Variants in DTNA observed in about 807,000 individuals in gnomAD.
DTNA encodes dystrophin-related protein 3.
In DTNA, 43 loss-of-function variants were observed where a neutral mutation model predicts 100.7. The ratio of observed to expected loss-of-function variants is 0.43; its 90% CI spans 0.33 to 0.55. DTNA has a LOEUF of 0.55. Ranked by LOEUF, DTNA falls within the 20% of genes least tolerant of loss-of-function variation. The pLI is 0.04. For missense variants in DTNA, 798 were observed against 953.9 expected (o/e 0.84, Z 2.15); for synonymous variants, 349 against 347.9 (o/e 1.00, Z -0.04).
chr18:34,578,453 G>A (rs2048323866), intron 1 of DTNA, among the ~76,000 whole-genome samples: 1 of 148,852 alleles, frequency 6.7e-6, no homozygotes, highest in Admixed American at 6.6e-5. Flanking sequence ...CTTTTGCCAT[G>A]CAAAAGCTCT....
At chr18:34,867,205 T>G (rs574384243) in intron 17 of DTNA, 19 of 1,231,352 alleles carry the variant, frequency 1.5e-5, no homozygotes, top group Middle Eastern at 3.1e-4. Context: ...TTATTCATTA[T>G]GTGTGTTTGT....
At chr18:34,859,195 T>C (rs1019716201) in intron 16 of DTNA, among the ~76,000 whole-genome samples, 1 of 152,222 alleles carries the variant, frequency 6.6e-6, no homozygotes, top group Non-Finnish European at 1.5e-5. Context: ...GAAGGGACTA[T>C]AGAAGTCATC....
chr18:34,841,840 G>A (rs1346072879), intron 13 of DTNA, among the ~76,000 whole-genome samples: 3 of 152,098 alleles, frequency 2.0e-5, no homozygotes, highest in Admixed American at 1.3e-4. Context: ...TTAACTCTGT[G>A]TGGGGGTCTT....
chr18:34,669,697 G>T (rs1221803278), intron 1 of DTNA, among the ~76,000 whole-genome samples: 1 of 152,132 alleles, frequency 6.6e-6, no homozygotes, highest in Admixed American at 6.6e-5. Flanking sequence ...GCTTAGTTTG[G>T]CTGGATATGA....
At chr18:34,705,011 T>C (rs938404757) in intron 1 of DTNA, among the ~76,000 whole-genome samples, 1 of 152,146 alleles carries the variant, frequency 6.6e-6, no homozygotes, top group African/African-American at 2.4e-5. Flanking sequence ...CTTATTGAGT[T>C]ACCTGACAGT....
intron 1 of DTNA, among the ~76,000 whole-genome samples, chr18:34,682,609 T>A (rs1404082988): frequency 6.6e-6 from 1 of 152,198 alleles, no homozygotes; most frequent in Non-Finnish European, 1.5e-5. Context: ...TCCCTAATGA[T>A]GTTGAACATC....
At chr18:34,667,176 T>G (rs1346237074) in intron 1 of DTNA, among the ~76,000 whole-genome samples, 1 of 152,216 alleles carries the variant, frequency 6.6e-6, no homozygotes, top group Non-Finnish European at 1.5e-5. Context: ...TTTTATTCTC[T>G]TTGAAGCAAT....
Position 34,629,131 on chromosome 18 carries a change from T to C in DTNA, c.-1-126845T>C, listed in dbSNP as rs1332673559. Among the ~76,000 whole-genome samples, 3 of 152,334 alleles carry C rather than the reference T, an allele frequency of 2.0e-5. No homozygotes were observed. The East Asian group carries it at 5.8e-4, about 29-fold the overall frequency. On this transcript the variant is annotated intron_variant, in intron 1 of 19. Coordinates refer to the DTNA transcript ENST00000283365. ...TCTGCTATGTTTACACAAGCTCTTT[T>C]ATTTTCTTTATTAATAAAGAACAAT...
At chr18:34,627,928 T>C (rs1040585120) in intron 1 of DTNA, among the ~76,000 whole-genome samples, 2 of 152,176 alleles carry the variant, frequency 1.3e-5, no homozygotes, top group African/African-American at 4.8e-5. Context: ...TGTCTGACTG[T>C]ATGCTAATTT....
chr18:34,768,316 A>G (rs375182885), intron 3 of DTNA, among the ~76,000 whole-genome samples: 72 of 152,286 alleles, frequency 4.7e-4, no homozygotes, highest in African/African-American at 1.7e-3. Flanking sequence ...CCCCCCAAAA[A>G]AAGCAAAAAA....
In DTNA at chr18:34,876,251, A is replaced by C. The variant is rs1186394968; in HGVS notation, c.1903+853A>C. 3.3e-5 allele frequency among the ~76,000 whole-genome samples: 5 copies of C among 152,344 alleles called. No individual in the cohort carries two copies. In the East Asian group the frequency reaches 9.6e-4, roughly 29 times the overall value. On this transcript the variant is annotated intron_variant, in intron 18 of 22. Coordinates refer to ENST00000444659, the MANE Select transcript of DTNA (RefSeq NM_001386795.1). Reference sequence around the variant, plus strand: ...AATTTGCATTTTCTTTAAATTAGCAATATATCATTAACATTCTTCGAAGTC... The same window carrying C: ...AATTTGCATTTTCTTTAAATTAGCACTATATCATTAACATTCTTCGAAGTC...
upstream of DTNA, among the ~76,000 whole-genome samples, chr18:34,707,237 A>G (rs879839593): frequency 3.3e-5 from 5 of 152,162 alleles, no homozygotes; most frequent in Admixed American, 3.3e-4. Context: ...TCCTGCTTCT[A>G]TGGGACTAGG....
At chr18:34,831,037 G>A (rs2095996522) in intron 11 of DTNA, among the ~76,000 whole-genome samples, 1 of 152,134 alleles carries the variant, frequency 6.6e-6, no homozygotes, top group Non-Finnish European at 1.5e-5. Context: ...ACTGCCCACA[G>A]CTCTGTGCCT....
At chr18:34,555,960 G>T (rs1160630923) in intron 1 of DTNA, among the ~76,000 whole-genome samples, 2 of 150,254 alleles carry the variant, frequency 1.3e-5, no homozygotes, top group East Asian at 3.9e-4. Context: ...GTCTAATGTT[G>T]ACAGTGGGGT....
intron 1 of DTNA, among the ~76,000 whole-genome samples, chr18:34,618,113 TTCCGGAAGAG>T (rs1259862256): frequency 6.6e-6 from 1 of 152,184 alleles, no homozygotes; most frequent in Non-Finnish European, 1.5e-5. Flanking sequence ...ATTGTTAATT[TTCCGGAAGAG>T]GAAACCACAG....
chr18:34,569,035 A>T (rs185650289), intron 1 of DTNA, among the ~76,000 whole-genome samples: 1 of 152,366 alleles, frequency 6.6e-6, no homozygotes, highest in African/African-American at 2.4e-5. Flanking sequence ...TTTCCAGCAC[A>T]AAACTTTGAC....
intron 1 of DTNA, among the ~76,000 whole-genome samples, chr18:34,506,581 A>G (rs1478446337): frequency 2.0e-5 from 3 of 152,078 alleles, no homozygotes; most frequent in Non-Finnish European, 4.4e-5. Flanking sequence ...TTGTTTTTTT[A>G]TCTAGCTATG....
rs189825444 is a variant in DTNA, at chr18:34,581,020, C to A, written c.-2+87506C>A. Reference sequence around the variant, plus strand: ...CAGCACTTTGGGAGGCCAAGGCAGGCGGATCACGAGGTCAGGAAATTGAGA... The same window carrying A: ...CAGCACTTTGGGAGGCCAAGGCAGGAGGATCACGAGGTCAGGAAATTGAGA... On this transcript the variant is annotated intron_variant, in intron 1 of 19. Coordinates refer to the DTNA transcript ENST00000283365. Among the ~76,000 whole-genome samples the A allele has an allele frequency of 2.6e-3, 391 of 152,116 alleles. 4 individuals are homozygous for A. Among genetic ancestry groups the A allele is most frequent in the African/African-American group, 8.7e-3 (362 of 41,526 alleles).
chr18:34,809,450 A>G (rs1212825422), intron 5 of DTNA, among the ~76,000 whole-genome samples: 4 of 152,202 alleles, frequency 2.6e-5, no homozygotes, highest in Non-Finnish European at 4.4e-5. Flanking sequence ...CTCCATCTCA[A>G]AAACACAAAT....
Sources: allele counts gnomAD v4.1 joint callset (sites outside exome capture counted in the v4.1 genomes callset), GRCh38; gene constraint gnomAD v4.1.1; transcripts MANE v1.5; gene names NCBI Gene and HGNC (gene_info 2026-07-23, HGNC 2026-07-21).